Variants in GALNTL6 observed in about 807,000 individuals in gnomAD.
GALNTL6 encodes polypeptide N-acetylgalactosaminyltransferase-like 6.
A neutral mutation model predicts 73.7 loss-of-function variants in GALNTL6; 46 were observed. That is an observed-to-expected ratio of 0.62 (90% CI 0.49 to 0.80). The LOEUF (loss-of-function observed/expected upper bound fraction) is 0.80. GALNTL6 is among the 30% of genes least tolerant of loss of function. The pLI is 0.00. For missense variants in GALNTL6, 604 were observed against 755.0 expected, an observed-to-expected ratio of 0.80 and a Z score of 2.34; for synonymous variants, 259 against 263.7, an observed-to-expected ratio of 0.98 and a Z score of 0.17.
chr4:172,538,080 C>T (rs2110865212), intron 5 of GALNTL6, among the ~76,000 whole-genome samples: 1 of 152,178 alleles, frequency 6.6e-6, no homozygotes, highest in Admixed American at 6.5e-5. Flanking sequence ...ATATGAAAGA[C>T]CATATACTTT....
chr4:172,184,048 C>T (rs943774498), intron 2 of GALNTL6, among the ~76,000 whole-genome samples: 1 of 152,122 alleles, frequency 6.6e-6, no homozygotes. Flanking sequence ...ACCTCGGCCT[C>T]CCAAAGTGTG....
At chr4:172,355,673 G>A (rs891356158) in intron 5 of GALNTL6, among the ~76,000 whole-genome samples, 2 of 152,036 alleles carry the variant, frequency 1.3e-5, no homozygotes, top group Non-Finnish European at 2.9e-5. Flanking sequence ...TTCTGACTTA[G>A]TTAATTTGGG....
rs141964467 is a variant in GALNTL6, at chr4:172,970,774, C to G, written c.1371+18516C>G. ...CAGGATTAAGAGATTAAAGTAAAGA[C>G]AGGCATAAGAAATTATAAGAGTATT... On this transcript the variant is annotated intron_variant, in intron 10 of 12. Coordinates refer to ENST00000506823, the MANE Select transcript of GALNTL6 (RefSeq NM_001034845.3). Among the ~76,000 whole-genome samples, 62 of 152,312 alleles carry G rather than the reference C, an allele frequency of 4.1e-4. 1 individual carries two copies. In the East Asian group the frequency reaches 0.012, roughly 28 times the overall value.
intron 5 of GALNTL6, among the ~76,000 whole-genome samples, chr4:172,484,034 G>A (rs746532065): frequency 5.3e-5 from 8 of 152,208 alleles, no homozygotes; most frequent in Non-Finnish European, 1.0e-4. Flanking sequence ...CTTTGGGTTT[G>A]TGGGGGTCTC....
intron 5 of GALNTL6, among the ~76,000 whole-genome samples, chr4:172,787,407 G>C (rs1451789446): frequency 6.6e-6 from 1 of 152,164 alleles, no homozygotes; most frequent in Non-Finnish European, 1.5e-5. Flanking sequence ...CTGACACCTA[G>C]AGAATAAAGC....
intron 5 of GALNTL6, among the ~76,000 whole-genome samples, chr4:172,789,421 TA>T (rs760284132): frequency 7.9e-5 from 12 of 152,244 alleles, no homozygotes; most frequent in African/African-American, 1.7e-4. Flanking sequence ...TTTTTGCAAT[TA>T]TTTTTTTAGC....
At chr4:172,250,359 C>A (rs1448951909) in intron 3 of GALNTL6, among the ~76,000 whole-genome samples, 2 of 152,090 alleles carry the variant, frequency 1.3e-5, no homozygotes, top group Non-Finnish European at 2.9e-5. Flanking sequence ...CAGATGAAAC[C>A]TTGGACTTGG....
In GALNTL6 at chr4:172,745,446, T is replaced by TATATATATATATATATATACACAC. The variant is rs34523518; in HGVS notation, c.554-63914_554-63913insTATATATATATATATATACACACA. 5.8e-4 allele frequency among the ~76,000 whole-genome samples: 85 copies of TATATATATATATATATATACACAC among 145,308 alleles called. 1 individual carries two copies. Among genetic ancestry groups the TATATATATATATATATATACACAC allele is most frequent in the Admixed American group, 4.1e-3 (59 of 14,458 alleles). On this transcript the variant is annotated intron_variant, in intron 5 of 12. Coordinates refer to ENST00000506823, the MANE Select transcript of GALNTL6 (RefSeq NM_001034845.3). ...TTTTCAAAACATATATATATATATG[T>TATATATATATATATATATACACAC]ACACATAACTTTTATAATTAGAAAA...
chr4:172,669,138 C>A (rs922829052), intron 5 of GALNTL6: 1 of 152,160 alleles, frequency 6.6e-6, no homozygotes, highest in African/African-American at 2.4e-5. Context: ...TCCATTAGCA[C>A]CCAGCTATGG....
At chr4:172,750,015 C>T (rs146924336) in intron 5 of GALNTL6, among the ~76,000 whole-genome samples, 1 of 152,290 alleles carries the variant, frequency 6.6e-6, no homozygotes, top group Admixed American at 6.5e-5. Flanking sequence ...GTCTGCACTA[C>T]TAAATGATTT....
At chr4:172,744,843 G>GCA (rs1560922218) in intron 5 of GALNTL6, among the ~76,000 whole-genome samples, 8 of 111,856 alleles carry the variant, frequency 7.2e-5, no homozygotes, top group Admixed American at 2.4e-4. Context: ...GCGCGTGCGT[G>GCA]TGTGTGTGTG....
intron 5 of GALNTL6, chr4:172,380,508 G>T: frequency 2.3e-6 from 1 of 433,532 alleles, no homozygotes; most frequent in Non-Finnish European, 4.5e-6. Flanking sequence ...CCTGAGTTGG[G>T]TCTCTGGTCT....
chr4:172,825,519 A>G (rs1184910360), intron 7 of GALNTL6, among the ~76,000 whole-genome samples: 1 of 152,168 alleles, frequency 6.6e-6, no homozygotes, highest in African/African-American at 2.4e-5. Context: ...GACTCTGCCC[A>G]GATCCTGCTT....
chr4:172,560,063 G>A (rs1209184451), intron 5 of GALNTL6, among the ~76,000 whole-genome samples: 2 of 152,168 alleles, frequency 1.3e-5, no homozygotes, highest in African/African-American at 4.8e-5. Context: ...AAAATTTTGT[G>A]TTTATTAAAA....
At chr4:172,500,535 A>C (rs556450871) in intron 5 of GALNTL6, among the ~76,000 whole-genome samples, 9 of 152,314 alleles carry the variant, frequency 5.9e-5, no homozygotes, top group African/African-American at 1.9e-4. Flanking sequence ...ACCTGAAACT[A>C]TGGAGGCCAG....
chr4:172,485,685 G>C (rs759517292), intron 5 of GALNTL6, among the ~76,000 whole-genome samples: 1 of 152,036 alleles, frequency 6.6e-6, no homozygotes, highest in Non-Finnish European at 1.5e-5. Flanking sequence ...TTGACATTTG[G>C]AGTAAGATAT....
chr4:171,906,183 C>A (rs1323255193), intron 2 of GALNTL6, among the ~76,000 whole-genome samples: 1 of 149,408 alleles, frequency 6.7e-6, no homozygotes, highest in Non-Finnish European at 1.5e-5. Flanking sequence ...AAAAACCCTT[C>A]AAAAAATTAA....
In GALNTL6 at chr4:172,832,615, GC is replaced by G. The variant is rs565953587; in HGVS notation, c.923+18896del. On this transcript the variant is annotated intron_variant, in intron 7 of 12. Transcript: ENST00000506823. ...GAAGAGCAGAATGACCTTGGGCCAG[GC>G]CCCGGTAGACTGGCTTCCTCCATAG... Among the ~76,000 whole-genome samples the G allele has an allele frequency of 1.6e-4, 24 of 152,298 alleles. No individual in the cohort carries two copies. The South Asian group carries it at 3.9e-3, about 25-fold the overall frequency.
At chr4:172,394,815 A>G (rs1743793746) in intron 5 of GALNTL6, among the ~76,000 whole-genome samples, 1 of 152,080 alleles carries the variant, frequency 6.6e-6, no homozygotes. Flanking sequence ...ACAAGCAGAT[A>G]TTTACTAACA....
Sources: gnomAD v4.1 joint callset for allele counts (sites outside exome capture counted in the v4.1 genomes callset) on GRCh38, gnomAD v4.1.1 for gene constraint, MANE v1.5 for transcripts, NCBI Gene and HGNC (gene_info 2026-07-23, HGNC 2026-07-21) for gene names.